Variants in SAMD12 observed in about 807,000 individuals in gnomAD.
SAMD12 encodes sterile alpha motif domain containing 12.
A neutral mutation model predicts 15.0 loss-of-function variants in SAMD12; 9 were observed. That is an observed-to-expected ratio of 0.60 (90% confidence interval 0.36 to 1.05). The LOEUF (loss-of-function observed/expected upper bound fraction) is 1.05. SAMD12 is among the 50% of genes least tolerant of loss of function. The probability of loss-of-function intolerance (pLI) is 0.01; values close to 1 mark genes in which losing one functional copy is unlikely to be tolerated. For missense variants in SAMD12, 230 were observed against 234.2 expected (o/e 0.98, Z 0.12); for synonymous variants, 86 against 90.1 (o/e 0.96, Z 0.25).
chr8:118,379,443 T>C lies in SAMD12; in HGVS notation c.580A>G (p.Ile194Val), dbSNP rs771100580. Reference sequence around the variant, plus strand: ...TAAATCTGTATACTATTTTCTATGATGGAAATTCTGTGAAGAAACAATAAC... The same window carrying C: ...TAAATCTGTATACTATTTTCTATGACGGAAATTCTGTGAAGAAACAATAAC... ...NLLLFLHRIS[I>V]IENSIQI The change falls in exon 4 of 4, where the codon ATC (isoleucine) becomes GTC (valine). Residue 194 changes from isoleucine to valine, a missense_variant. By Grantham distance (29) the Ile-to-Val change is conservative. Transcript: ENST00000314727. 5.0e-6 allele frequency: 8 copies of C among 1,613,530 alleles called. No homozygotes were observed. The highest frequency in any genetic ancestry group is 5.9e-6 in the Non-Finnish European group (7 of 1,179,752).
chr8:118,582,033 C>T (rs1018733518), intron 1 of SAMD12, among the ~76,000 whole-genome samples: 8 of 152,124 alleles, frequency 5.3e-5, no homozygotes, highest in East Asian at 3.8e-4. Flanking sequence ...ACTCTCTATT[C>T]GGCACTCCAT....
At chr8:118,151,600 G>A in the SAMD12 span, among the ~76,000 whole-genome samples, 19 of 152,128 alleles carry the variant, frequency 1.2e-4, no homozygotes, top group South Asian at 1.9e-3. Context: ...AGGCTGAGGC[G>A]GGTGGATCAC....
intron 2 of SAMD12, among the ~76,000 whole-genome samples, chr8:118,553,835 A>T (rs1192826635): frequency 6.7e-6 from 1 of 148,258 alleles, no homozygotes; most frequent in Non-Finnish European, 1.5e-5. Flanking sequence ...CAAATTTACA[A>T]GAAAAAAACA....
intron 2 of SAMD12, among the ~76,000 whole-genome samples, chr8:118,506,107 G>C (rs1331549647): frequency 6.6e-6 from 1 of 152,034 alleles, no homozygotes; most frequent in East Asian, 1.9e-4. Context: ...ACAGAACACT[G>C]GTCCCTATAC....
At chr8:118,492,513 A>G (rs1292250346) in intron 2 of SAMD12, among the ~76,000 whole-genome samples, 2 of 152,272 alleles carry the variant, frequency 1.3e-5, no homozygotes, top group East Asian at 3.9e-4. Flanking sequence ...CATTCATTTG[A>G]AGAAGCCATT....
chr8:118,424,040 G>A (rs754372409), intron 3 of SAMD12, among the ~76,000 whole-genome samples: 3 of 152,034 alleles, frequency 2.0e-5, no homozygotes, highest in African/African-American at 7.3e-5. Flanking sequence ...TTTAGGAAAT[G>A]GGTTGATATT....
chr8:118,158,068 C>A, the SAMD12 span, among the ~76,000 whole-genome samples: 1 of 152,270 alleles, frequency 6.6e-6, no homozygotes, highest in East Asian at 1.9e-4. Flanking sequence ...AGCTTTCAAG[C>A]AGCTATAGTT....
At chr8:118,361,438 T>A (rs1333021649) in intron 4 of SAMD12, among the ~76,000 whole-genome samples, 1 of 152,220 alleles carries the variant, frequency 6.6e-6, no homozygotes, top group Admixed American at 6.5e-5. Context: ...TATTCCATTT[T>A]AATTTTTTTA....
At chr8:118,597,848 A>G (rs551818454) in intron 1 of SAMD12, among the ~76,000 whole-genome samples, 1 of 152,288 alleles carries the variant, frequency 6.6e-6, no homozygotes, top group South Asian at 2.1e-4. Context: ...ATTTAATGGC[A>G]TATGTGTTTG....
intron 2 of SAMD12, among the ~76,000 whole-genome samples, chr8:118,553,724 C>T (rs1229832582): frequency 6.6e-6 from 1 of 151,646 alleles, no homozygotes; most frequent in African/African-American, 2.4e-5. Flanking sequence ...GCAAAAGAAA[C>T]TGCCATCAGA....
chr8:118,375,696 C>T (rs1165819685), downstream of SAMD12: 1 of 150,978 alleles, frequency 6.6e-6, no homozygotes, highest in African/African-American at 2.5e-5. Context: ...CTTTTTCCTT[C>T]TTGTTTCTTT....
intron 4 of SAMD12, among the ~76,000 whole-genome samples, chr8:118,309,888 A>T (rs770598490): frequency 6.6e-6 from 1 of 152,242 alleles, no homozygotes; most frequent in Non-Finnish European, 1.5e-5. Context: ...TCCTCTCAGC[A>T]TATTCCTGTA....
intron 3 of SAMD12, among the ~76,000 whole-genome samples, chr8:118,424,610 A>G (rs1255226672): frequency 6.6e-6 from 1 of 152,172 alleles, no homozygotes; most frequent in African/African-American, 2.4e-5. Context: ...AATATCTCTA[A>G]TAAGAATTTC....
At chr8:118,242,286 C>T (rs1260429504) in intron 4 of SAMD12, among the ~76,000 whole-genome samples, 1 of 152,092 alleles carries the variant, frequency 6.6e-6, no homozygotes, top group Non-Finnish European at 1.5e-5. Flanking sequence ...AGAAAGTTAA[C>T]ACAAAGATGA....
At chr8:118,150,382 T>G in the SAMD12 span, among the ~76,000 whole-genome samples, 2 of 152,118 alleles carry the variant, frequency 1.3e-5, no homozygotes, top group African/African-American at 4.8e-5. Flanking sequence ...TTATTATTGT[T>G]TTTTCTCTTT....
At chr8:118,203,384 T>TG (rs1819767078) in intron 4 of SAMD12, among the ~76,000 whole-genome samples, 1 of 149,218 alleles carries the variant, frequency 6.7e-6, no homozygotes, top group East Asian at 2.0e-4. Context: ...TGGTAACAAC[T>TG]TGTGTGTGTG....
intron 2 of SAMD12, among the ~76,000 whole-genome samples, chr8:118,486,629 A>G (rs1413303584): frequency 6.6e-6 from 1 of 152,192 alleles, no homozygotes; most frequent in Admixed American, 6.5e-5. Context: ...TTTTAGCCCA[A>G]GGAGACCCAT....
intron 4 of SAMD12, among the ~76,000 whole-genome samples, chr8:118,290,128 T>G (rs1424859014): frequency 6.6e-6 from 1 of 152,156 alleles, no homozygotes; most frequent in East Asian, 1.9e-4. Context: ...ATAACAGCAC[T>G]GCACATAAGA....
chr8:118,440,142 G>T (rs1209293410), intron 2 of SAMD12, among the ~76,000 whole-genome samples, 181 bp from the exon 3 acceptor site: 1 of 152,116 alleles, frequency 6.6e-6, no homozygotes, highest in Non-Finnish European at 1.5e-5. Flanking sequence ...ACAAAGAAAG[G>T]TCCAGGTGGA....
Sources: allele counts gnomAD v4.1 joint callset (sites outside exome capture counted in the v4.1 genomes callset), GRCh38; gene constraint gnomAD v4.1.1; transcripts MANE v1.5; gene names NCBI Gene and HGNC (gene_info 2026-07-23, HGNC 2026-07-21).